The following FAM135B variants were observed in gnomAD, a reference collection of about 807,000 sequenced individuals.
FAM135B encodes the protein family with sequence similarity 135 member B, also known as protein FAM135B.
A neutral mutation model predicts 127.7 loss-of-function variants in FAM135B; 43 were observed. That is an observed-to-expected ratio of 0.34 (90% CI 0.26 to 0.43). The LOEUF is 0.43. FAM135B is among the 20% of genes least tolerant of loss of function. FAM135B has a pLI of 1.00. For synonymous variants in FAM135B, 670 were observed against 665.1 expected, an observed-to-expected ratio of 1.01 and a Z score of -0.11; for missense variants, 1,558 against 1,725.6, an observed-to-expected ratio of 0.90 and a Z score of 1.72.
intron 3 of FAM135B, among the ~76,000 whole-genome samples, chr8:138,300,744 CTTTTT>C (rs34292545): frequency 3.0e-5 from 3 of 100,492 alleles, no homozygotes; most frequent in African/African-American, 1.1e-4. Context: ...ATTTTATCCA[CTTTTT>C]TTTTTTTTTT....
chr8:138,471,178 G>C (rs912135679), intron 1 of FAM135B, among the ~76,000 whole-genome samples: 1 of 152,204 alleles, frequency 6.6e-6, no homozygotes, highest in African/African-American at 2.4e-5. Context: ...TTGGGGCAGA[G>C]TGTGGCTGGC....
intron 1 of FAM135B, among the ~76,000 whole-genome samples, chr8:138,486,450 T>C (rs2131688662): frequency 6.6e-6 from 1 of 152,302 alleles, no homozygotes; most frequent in East Asian, 1.9e-4. Flanking sequence ...TCCCCTCTAC[T>C]GAGCTGGCAC....
At chr8:138,272,023 C>G (rs1024194478) in intron 3 of FAM135B, among the ~76,000 whole-genome samples, 1 of 150,634 alleles carries the variant, frequency 6.6e-6, no homozygotes, top group Non-Finnish European at 1.5e-5. Context: ...TAATTTTACT[C>G]CTTAATTTGT....
At chr8:138,335,926 C>T (rs1254550306) in intron 2 of FAM135B, among the ~76,000 whole-genome samples, 6 of 152,198 alleles carry the variant, frequency 3.9e-5, no homozygotes, top group Non-Finnish European at 7.3e-5. Flanking sequence ...ACAGTGCAAT[C>T]AAACTAGAAC....
At chr8:138,340,100 G>C (rs1404045594) in intron 2 of FAM135B, among the ~76,000 whole-genome samples, 1 of 152,180 alleles carries the variant, frequency 6.6e-6, no homozygotes, top group Non-Finnish European at 1.5e-5. Flanking sequence ...ACACGACTCA[G>C]CTGTCTATGG....
chr8:138,486,141 T>A (rs1814976088), intron 1 of FAM135B, among the ~76,000 whole-genome samples: 1 of 151,918 alleles, frequency 6.6e-6, no homozygotes, highest in Non-Finnish European at 1.5e-5. Flanking sequence ...CGTTGCACTT[T>A]TGCTGGTCAG....
intron 7 of FAM135B, among the ~76,000 whole-genome samples, chr8:138,216,597 C>T (rs1247768386): frequency 2.0e-5 from 3 of 152,198 alleles, no homozygotes; most frequent in Non-Finnish European, 2.9e-5. Flanking sequence ...AAAAGTCAGT[C>T]ATCTGATGTG....
At chr8:138,355,682 T>C (rs1166461710) in intron 2 of FAM135B, among the ~76,000 whole-genome samples, 1 of 152,062 alleles carries the variant, frequency 6.6e-6, no homozygotes, top group African/African-American at 2.4e-5. Context: ...CCCTGGCAGG[T>C]GCCAAGCAGT....
intron 1 of FAM135B, among the ~76,000 whole-genome samples, chr8:138,433,075 A>T (rs894217044): frequency 6.6e-6 from 1 of 152,142 alleles, no homozygotes; most frequent in African/African-American, 2.4e-5. Context: ...GGTAGAGGAC[A>T]CATGTGGAAG....
At chr8:138,357,192 G>T (rs1830142293) in intron 2 of FAM135B, among the ~76,000 whole-genome samples, 1 of 152,052 alleles carries the variant, frequency 6.6e-6, no homozygotes, top group African/African-American at 2.4e-5. Flanking sequence ...ATGAAAATTT[G>T]TGCTACTGTT....
chr8:138,302,563 C>T (rs1315576920), intron 3 of FAM135B, among the ~76,000 whole-genome samples: 1 of 43,130 alleles, frequency 2.3e-5, no homozygotes, highest in East Asian at 7.1e-4. Context: ...TAAAGATCTG[C>T]TGGGGGGACC....
At chr8:138,264,640 C>T (rs1822780583) in intron 4 of FAM135B, among the ~76,000 whole-genome samples, 1 of 152,152 alleles carries the variant, frequency 6.6e-6, no homozygotes, top group Non-Finnish European at 1.5e-5. Flanking sequence ...TTTTTACCTC[C>T]AGCACATAGT....
At chr8:138,408,876 C>T (rs1833690518) in intron 1 of FAM135B, among the ~76,000 whole-genome samples, 1 of 152,162 alleles carries the variant, frequency 6.6e-6, no homozygotes, top group Non-Finnish European at 1.5e-5. Flanking sequence ...GGTAGGGACA[C>T]AGAGCCAAAA....
intron 1 of FAM135B, among the ~76,000 whole-genome samples, chr8:138,472,472 G>A (rs1452641439): frequency 6.6e-6 from 1 of 152,084 alleles, no homozygotes; most frequent in African/African-American, 2.4e-5. Flanking sequence ...GCGCTGTTCT[G>A]GTTTCATTTT....
At chr8:138,412,101 C>T (rs1185765953) in intron 1 of FAM135B, among the ~76,000 whole-genome samples, 1 of 152,106 alleles carries the variant, frequency 6.6e-6, no homozygotes, top group Non-Finnish European at 1.5e-5. Flanking sequence ...GCTGAAAAAC[C>T]AACTCTTAGA....
rs386414180 is a variant in FAM135B at position 138,285,134 on chromosome 8, A to ATTTTTTTTT, written c.158-19301_158-19293dup. On this transcript the variant is annotated intron_variant, in intron 3 of 19. Coordinates refer to ENST00000395297, the MANE Select transcript of FAM135B (RefSeq NM_015912.4). ...TGGAAAACATATATTGGCTCTACTA[A>ATTTTTTTTT]TTTTTTTTTTTTTTTTTTTTTTTTT... Among the ~76,000 whole-genome samples the ATTTTTTTTT allele has an allele frequency of 7.8e-4, 43 of 54,794 alleles. 3 individuals are homozygous for ATTTTTTTTT. The highest frequency in any genetic ancestry group is 1.3e-3 in the African/African-American group (19 of 14,122). The allele number at this position is 54,794 out of a possible 152,430, so 35.9% of individuals were successfully genotyped here.
At chr8:138,319,448 T>TGG (rs894214544) in intron 2 of FAM135B, among the ~76,000 whole-genome samples, 1 of 152,118 alleles carries the variant, frequency 6.6e-6, no homozygotes, top group Non-Finnish European at 1.5e-5. Flanking sequence ...TCCTACTACC[T>TGG]GGGGTCAAGT....
chr8:138,154,762 A>G (rs1818550733), intron 12 of FAM135B, among the ~76,000 whole-genome samples: 1 of 152,192 alleles, frequency 6.6e-6, no homozygotes, highest in African/African-American at 2.4e-5. Context: ...GTAAAAAGAA[A>G]TGAACAAAGC....
chr8:138,471,170 G>C (rs1283801143), intron 1 of FAM135B, among the ~76,000 whole-genome samples: 1 of 152,104 alleles, frequency 6.6e-6, no homozygotes, highest in East Asian at 1.9e-4. Flanking sequence ...CCAGAGATTT[G>C]GGGCAGAGTG....
Sources: allele counts gnomAD v4.1 joint callset (sites outside exome capture counted in the v4.1 genomes callset), GRCh38; gene constraint gnomAD v4.1.1; transcripts MANE v1.5; gene names NCBI Gene and HGNC (gene_info 2026-07-23, HGNC 2026-07-21).